Variants in LCP1 observed in about 807,000 individuals in gnomAD.
LCP1 encodes plastin-2.
A neutral mutation model predicts 72.0 loss-of-function variants in LCP1; 23 were observed. That is an observed-to-expected ratio of 0.32 (90% CI 0.23 to 0.45). LCP1 has a LOEUF of 0.45. Ranked by LOEUF, LCP1 falls within the 20% of genes least tolerant of loss-of-function variation. The pLI is 1.00. For missense variants in LCP1, 571 were observed against 748.3 expected (o/e 0.76, Z 2.76); for synonymous variants, 245 against 275.4 (o/e 0.89, Z 1.09).
chr13:46,164,242 A>G (rs2045864228), intron 1 of LCP1, among the ~76,000 whole-genome samples: 2 of 152,238 alleles, frequency 1.3e-5, no homozygotes, highest in Admixed American at 1.3e-4. Context: ...CTACATTCTA[A>G]GTGTCACAAG....
Position 46,179,671 on chromosome 13 carries a change from T to G in LCP1, c.-25+2440A>C, listed in dbSNP as rs537779884. On this transcript the variant is annotated intron_variant, in intron 1 of 15. Coordinates refer to ENST00000323076, the MANE Select transcript of LCP1 (RefSeq NM_002298.5). ...AGAAGAATGCAATTAAAGAAACAGT[T>G]GCAGTGAAAAAAGGTGAAAGAGAAT... 2.6e-5 allele frequency among the ~76,000 whole-genome samples: 4 copies of G among 151,710 alleles called. No homozygotes were observed. The East Asian group carries it at 7.8e-4, about 30-fold the overall frequency.
chr13:46,147,170 G>A, intron 9 of LCP1, 67 bp from the exon 10 acceptor site: 1 of 1,331,356 alleles, frequency 7.5e-7, no homozygotes, highest in Non-Finnish European at 1.0e-6. Flanking sequence ...ATTGCATAAT[G>A]TGAAAAGAAA....
At chr13:46,146,636 T>G (rs1388817755) in intron 10 of LCP1, among the ~76,000 whole-genome samples, 1 of 152,240 alleles carries the variant, frequency 6.6e-6, no homozygotes, top group East Asian at 1.9e-4. Flanking sequence ...TTATTTCATC[T>G]AATAACTAAA....
In LCP1 at chr13:46,172,932, G is replaced by A. The variant is rs1419726237; in HGVS notation, c.-25+9179C>T. The stretch of plus-strand genomic sequence containing the variant: ...GTCAGTGACTGGTCCAAAAAGAGAA[G>A]TAAGTGGAACCTCTGGAGTCTTAGT... On this transcript the variant is annotated intron_variant, in intron 1 of 15. Coordinates refer to ENST00000323076, the MANE Select transcript of LCP1 (RefSeq NM_002298.5). Among the ~76,000 whole-genome samples the A allele has an allele frequency of 2.0e-5, 3 of 152,218 alleles. No homozygotes were observed. The East Asian group carries it at 5.8e-4, about 29-fold the overall frequency.
intron 14 of LCP1, 100 bp from the exon 15 acceptor site, chr13:46,131,038 T>C (rs1209470973): frequency 1.7e-6 from 2 of 1,180,766 alleles, no homozygotes; most frequent in Non-Finnish European, 2.3e-6. Flanking sequence ...ATATATAATA[T>C]ATACAGCCTG....
At chr13:46,145,023 A>G (rs117473723) in intron 10 of LCP1, among the ~76,000 whole-genome samples, 350 of 152,340 alleles carry the variant, frequency 2.3e-3, no homozygotes, top group Non-Finnish European at 4.2e-3. Flanking sequence ...AGTAGAAGGT[A>G]GTATAAATAT....
intron 1 of LCP1, among the ~76,000 whole-genome samples, chr13:46,176,883 G>C (rs2045933451): frequency 7.0e-6 from 1 of 143,742 alleles, no homozygotes; most frequent in South Asian, 2.3e-4. Flanking sequence ...ATTTGTGTGT[G>C]TGTGTGTGTG....
chr13:46,151,747 A>AT (rs2045765577), intron 7 of LCP1, among the ~76,000 whole-genome samples: 1 of 152,200 alleles, frequency 6.6e-6, no homozygotes, highest in Non-Finnish European at 1.5e-5. Flanking sequence ...TTCATTGGTT[A>AT]TTGTGATTTG....
At chr13:46,140,499 C>A (rs960633405) in intron 13 of LCP1, among the ~76,000 whole-genome samples, 1 of 152,106 alleles carries the variant, frequency 6.6e-6, no homozygotes, top group African/African-American at 2.4e-5. Flanking sequence ...TCAAATGGAT[C>A]AAACTGTATT....
At chr13:46,128,421 A>G (rs1229514158) in intron 15 of LCP1, among the ~76,000 whole-genome samples, 2 of 152,106 alleles carry the variant, frequency 1.3e-5, no homozygotes, top group Non-Finnish European at 2.9e-5. Context: ...ACATGGTGAA[A>G]CCCCATCTCT....
chr13:46,152,085 T>C (rs560499741), intron 7 of LCP1, among the ~76,000 whole-genome samples: 4 of 152,394 alleles, frequency 2.6e-5, no homozygotes, highest in Admixed American at 6.5e-5. Context: ...CTTATCTTGG[T>C]AGACACATAC....
intron 1 of LCP1, among the ~76,000 whole-genome samples, chr13:46,175,714 G>GA (rs1157549015): frequency 1.3e-5 from 2 of 152,048 alleles, no homozygotes; most frequent in Non-Finnish European, 2.9e-5. Flanking sequence ...GCAAGAAAAG[G>GA]AAAAAATCCA....
intron 6 of LCP1, 130 bp from the exon 7 acceptor site, chr13:46,153,075 T>C (rs2045778787): frequency 1.1e-6 from 1 of 900,980 alleles, no homozygotes; most frequent in East Asian, 2.8e-5. Flanking sequence ...TCACTCATTT[T>C]AACATTGAGA....
chr13:46,131,565 C>T (rs925171920), intron 14 of LCP1, among the ~76,000 whole-genome samples: 8 of 152,198 alleles, frequency 5.3e-5, no homozygotes, highest in Admixed American at 2.6e-4. Context: ...TTGTGTTCAT[C>T]GCAGCACTAT....
Position 46,158,537 on chromosome 13 carries a change from G to T in LCP1, c.343C>A (p.Gln115Lys), listed in dbSNP as rs2045817574. Residue 115 changes from glutamine to lysine, a missense_variant, in exon 4 of 16, where the codon CAA becomes AAA. Physicochemically the swap from Gln to Lys is moderately conservative, Grantham distance 53 (BLOSUM62 1). Transcript: ENST00000323076. ...TTGAGCCTACCTGAATAGGAGTGTT[G>T]GGTGCCAACGCTAGACTGCTCTGAA... ...GTSEQSSVGT[Q>K]HSYSEEEKYA... is the part of the protein sequence containing the mutation. 6.2e-7 allele frequency: 1 copy of T among 1,613,884 alleles called. No individual in the cohort carries two copies. Among genetic ancestry groups the T allele is most frequent in the South Asian group, 1.1e-5 (1 of 91,044 alleles).
Position 46,152,904 on chromosome 13 carries a change from C to T in LCP1, c.615G>A (p.Gly205=), listed in dbSNP as rs1290710736. Residue 205 remains glycine (G), a synonymous_variant, in exon 7 of 16, where the codon GGG becomes GGA. Coordinates refer to ENST00000323076, the MANE Select transcript of LCP1 (RefSeq NM_002298.5). ...CAGCCCCTATGTTGACCACATGGCA[C>T]CCGATGGCTGAGGCAGAGTTCAGAG... ...NLALNSASAI[G]CHVVNIGAED... is the part of the protein sequence containing the mutation. The T allele has an allele frequency of 1.2e-6, 2 of 1,613,804 alleles. No individual in the cohort carries two copies. The highest frequency in any genetic ancestry group is 1.1e-5 in the South Asian group (1 of 91,020).
In LCP1 at chr13:46,147,123, C is replaced by T; in HGVS notation, c.979-20G>A. 1 of 1,554,108 alleles carries T rather than the reference C, an allele frequency of 6.4e-7. No individual in the cohort carries two copies. Among genetic ancestry groups the T allele is most frequent in the Non-Finnish European group, 8.7e-7 (1 of 1,154,384 alleles). ...CTTCTCCTGCAATGCAAAAGGATGT[C>T]TCAGGGCTGGGTCAAGGCTCTCCAT... is the stretch of plus-strand genomic sequence containing the variant. On this transcript the variant is annotated intron_variant, in intron 9 of 15. Coordinates refer to ENST00000323076, the MANE Select transcript of LCP1 (RefSeq NM_002298.5).
intron 13 of LCP1, among the ~76,000 whole-genome samples, chr13:46,138,396 CT>C (rs1365031959): frequency 6.6e-6 from 1 of 152,108 alleles, no homozygotes; most frequent in East Asian, 1.9e-4. Flanking sequence ...TCAGTCATTA[CT>C]TCTCCTTCTA....
chr13:46,151,915 G>A (rs1181460575), intron 7 of LCP1, among the ~76,000 whole-genome samples: 1 of 152,216 alleles, frequency 6.6e-6, no homozygotes, highest in East Asian at 1.9e-4. Flanking sequence ...GGCTGTCACT[G>A]TTTACATACA....
Sources: allele counts gnomAD v4.1 joint callset (sites outside exome capture counted in the v4.1 genomes callset), GRCh38; gene constraint gnomAD v4.1.1; transcripts MANE v1.5; gene names NCBI Gene and HGNC (gene_info 2026-07-23, HGNC 2026-07-21).